Variants in FANCC observed in about 807,000 individuals in gnomAD.
FANCC encodes FA complementation group C.
FANCC carries 55 observed loss-of-function variants against 71.3 expected under a neutral mutation model. That is an observed-to-expected ratio of 0.77 (90% CI 0.62 to 0.97). The LOEUF is 0.97. FANCC is among the 50% of genes least tolerant of loss of function. The pLI is 0.00. For synonymous variants in FANCC, 275 were observed against 244.9 expected (o/e 1.12, Z -1.15); for missense variants, 678 against 670.9 (o/e 1.01, Z -0.12).
intron 1 of FANCC, chr9:95,294,072 G>T: frequency 6.2e-7 from 1 of 1,610,324 alleles, no homozygotes; most frequent in South Asian, 1.1e-5. Flanking sequence ...TTCCTTCACA[G>T]AACATGACAG....
At chr9:95,316,124 T>C (rs1288868016) in intron 1 of FANCC, among the ~76,000 whole-genome samples, 2 of 152,250 alleles carry the variant, frequency 1.3e-5, no homozygotes, top group Non-Finnish European at 2.9e-5. Context: ...TTCGAATGTA[T>C]AATATACAAA....
At position 95,125,114 on chromosome 9, in the gene FANCC, A is replaced by G; in HGVS notation, c.968T>C (p.Val323Ala). 1 of 1,614,192 alleles carries G rather than the reference A, an allele frequency of 6.2e-7. No individual in the cohort carries two copies. The highest frequency in any genetic ancestry group is 8.5e-7 in the Non-Finnish European group (1 of 1,180,024). ...ATIQVFTQCFVEALEKASKQL... is the reference protein window; with the variant it reads ...ATIQVFTQCFAEALEKASKQL... Reference sequence around the variant, plus strand: ...CTTGCTTGCTTTCTCCAGAGCTTCTACAAAGCACTGCGTAAACACCTGAAT... The same window carrying G: ...CTTGCTTGCTTTCTCCAGAGCTTCTGCAAAGCACTGCGTAAACACCTGAAT... Residue 323 changes from valine (V) to alanine (A), a missense_variant, in exon 10 of 15, where the codon GTA (valine) becomes GCA (alanine). Val to Ala is a moderately conservative substitution (Grantham distance 64, BLOSUM62 0). Transcript: ENST00000289081.
At chr9:95,114,399 T>C (rs1056831398) in intron 12 of FANCC, 6 of 596,896 alleles carry the variant, frequency 1.0e-5, no homozygotes, top group African/African-American at 9.2e-5. Flanking sequence ...AACATTTCGA[T>C]ACAGGTATTG....
At chr9:95,123,207 G>A (rs1323195284) in intron 10 of FANCC, 2 of 203,112 alleles carry the variant, frequency 9.8e-6, no homozygotes, top group Non-Finnish European at 2.0e-5. Flanking sequence ...GGAGGCTGAG[G>A]TGGGGGGATC....
chr9:95,197,377 A>G (rs1439924134), intron 4 of FANCC, among the ~76,000 whole-genome samples: 1 of 152,132 alleles, frequency 6.6e-6, no homozygotes, highest in Non-Finnish European at 1.5e-5. Flanking sequence ...TCTTTACAAA[A>G]AAACTTTTTA....
At position 95,285,462 on chromosome 9, in the gene FANCC, C is replaced by T. The variant is rs187208151; in HGVS notation, c.-79+32064G>A. ...TAAACAATATACATATCAAGAAACA[C>T]GGATTTCTTCTTTCAACAAACATCT... On this transcript the variant is annotated intron_variant, in intron 1 of 14. Coordinates refer to ENST00000289081, the MANE Select transcript of FANCC (RefSeq NM_000136.3). 1.4e-4 allele frequency among the ~76,000 whole-genome samples: 21 copies of T among 152,194 alleles called. No individual in the cohort carries two copies. In the South Asian group the frequency reaches 1.5e-3, roughly 11 times the overall value.
At chr9:95,185,207 A>C (rs1826637959) in intron 4 of FANCC, among the ~76,000 whole-genome samples, 1 of 152,262 alleles carries the variant, frequency 6.6e-6, no homozygotes, top group Non-Finnish European at 1.5e-5. Flanking sequence ...TTACAAATTA[A>C]GAATTAAAAG....
intron 1 of FANCC, among the ~76,000 whole-genome samples, chr9:95,271,260 G>A (rs1229257729): frequency 6.6e-6 from 1 of 152,204 alleles, no homozygotes; most frequent in African/African-American, 2.4e-5. Flanking sequence ...CATGGGACCT[G>A]TGAATATTAC....
intron 4 of FANCC, among the ~76,000 whole-genome samples, chr9:95,228,668 A>C (rs1421887823): frequency 6.6e-6 from 1 of 152,190 alleles, no homozygotes; most frequent in Non-Finnish European, 1.5e-5. Flanking sequence ...CGTGCAAGCG[A>C]AGAGAGTGAG....
chr9:95,100,212 A>C lies in FANCC; in HGVS notation c.*1495T>G, dbSNP rs41281198. 4.2e-4 allele frequency: 93 copies of C among 223,116 alleles called. No homozygotes were observed. Among genetic ancestry groups the C allele is most frequent in the Non-Finnish European group, 7.0e-4 (82 of 117,758 alleles). The allele number at this position is 223,116 out of a possible 1,614,324, so 13.8% of individuals were successfully genotyped here. On this transcript the variant is annotated 3_prime_UTR_variant, in exon 15 of 15. Transcript: ENST00000289081. ...ATGATGGCACGAAGCATGTTATATG[A>C]AGGCAATGACCATGAGCACGAAGCA...
chr9:95,123,836 GCTGCCCC>G, intron 10 of FANCC: 1 of 654,336 alleles, frequency 1.5e-6, no homozygotes, highest in Non-Finnish European at 2.9e-6. Context: ...ACCTGCGGAT[GCTGCCCC>G]ACAACCCCCA....
intron 4 of FANCC, among the ~76,000 whole-genome samples, chr9:95,182,034 G>A (rs934249817): frequency 3.0e-4 from 46 of 152,160 alleles, no homozygotes; most frequent in African/African-American, 1.0e-3. Context: ...GTCTGGGTGT[G>A]GAGGAAGGGT....
At chr9:95,178,983 C>T (rs996867080) in intron 4 of FANCC, among the ~76,000 whole-genome samples, 29 of 152,088 alleles carry the variant, frequency 1.9e-4, no homozygotes, top group South Asian at 8.3e-4. Flanking sequence ...TAACCAGTGC[C>T]CTCTGGTGAT....
At position 95,232,803 on chromosome 9, in the gene FANCC, G is replaced by T. The variant is rs545587693; in HGVS notation, c.345+7846C>A. Among the ~76,000 whole-genome samples the T allele has an allele frequency of 2.0e-5, 3 of 152,276 alleles. No individual in the cohort carries two copies. In the South Asian group the frequency reaches 6.2e-4, roughly 32 times the overall value. On this transcript the variant is annotated intron_variant, in intron 4 of 14. Coordinates refer to ENST00000289081, the MANE Select transcript of FANCC (RefSeq NM_000136.3). ...TTGCTGTTTTTCTCAGCTATGTTTT[G>T]TCAGGACTAACTCCATTTCCAGAGA...
intron 1 of FANCC, among the ~76,000 whole-genome samples, chr9:95,316,183 TG>T (rs1432849449): frequency 1.4e-4 from 21 of 152,326 alleles, no homozygotes; most frequent in African/African-American, 5.1e-4. Flanking sequence ...CTGGGAGTAG[TG>T]GGTTGGTGAA....
Position 95,101,660 on chromosome 9 carries a change from G to T in FANCC, c.*47C>A. ...GGTCATCACCTGTCCTGTGGCCCTG[G>T]CGAGCCTGATCCCTCACGCCGGGCA... On this transcript the variant is annotated 3_prime_UTR_variant, in exon 15 of 15. Coordinates refer to ENST00000289081, the MANE Select transcript of FANCC (RefSeq NM_000136.3). The T allele has an allele frequency of 9.3e-6, 15 of 1,610,282 alleles. No homozygotes were observed. Among genetic ancestry groups the T allele is most frequent in the Non-Finnish European group, 1.3e-5 (15 of 1,179,426 alleles).
At chr9:95,138,795 C>A (rs1828125326) in intron 7 of FANCC, among the ~76,000 whole-genome samples, 1 of 152,202 alleles carries the variant, frequency 6.6e-6, no homozygotes, top group Non-Finnish European at 1.5e-5. Context: ...GAAGAACCGA[C>A]CCATCCTGCT....
chr9:95,248,301 G>A (rs886422179), intron 2 of FANCC, among the ~76,000 whole-genome samples: 1 of 152,182 alleles, frequency 6.6e-6, no homozygotes, highest in Admixed American at 6.5e-5. Context: ...ATGTGTCCCA[G>A]CATCAAGCCT....
chr9:95,297,654 A>T (rs1488545269), intron 1 of FANCC, among the ~76,000 whole-genome samples: 2 of 152,244 alleles, frequency 1.3e-5, no homozygotes, highest in Admixed American at 6.5e-5. Context: ...CATTAAAACA[A>T]CACCAAGCAT....
Sources: gnomAD v4.1 joint callset for allele counts (sites outside exome capture counted in the v4.1 genomes callset) on GRCh38, gnomAD v4.1.1 for gene constraint, MANE v1.5 for transcripts, NCBI Gene and HGNC (gene_info 2026-07-23, HGNC 2026-07-21) for gene names.